NTSR1: variants seen among roughly 807,000 people sequenced by gnomAD.
NTSR1 encodes the protein neurotensin receptor 1, also known as neurotensin receptor type 1.
Under a neutral mutation model 31.2 loss-of-function variants are expected in NTSR1, and 29 were observed. The ratio of observed to expected loss-of-function variants is 0.93; its 90% confidence interval spans 0.69 to 1.27. The LOEUF (loss-of-function observed/expected upper bound fraction) is 1.27. Ranked by LOEUF, NTSR1 falls within the 50% of genes most tolerant of loss-of-function variation. The pLI is 0.00. For synonymous variants in NTSR1, 282 were observed against 269.9 expected, an observed-to-expected ratio of 1.04 and a Z score of -0.44; for missense variants, 697 against 595.4, an observed-to-expected ratio of 1.17 and a Z score of -1.78.
At position 62,733,602 on chromosome 20, in the gene NTSR1, T is replaced by G; in HGVS notation, c.715-21083T>G. On this transcript the variant is annotated intron_variant, in intron 1 of 3. Transcript: ENST00000370501. The surrounding 1 kb of genome is among the most constrained non-coding windows in gnomAD (Gnocchi z 5.2). ...AGCCATGTGGGCTGGCTTCTGGGGATGGGGAGGAGAGATACACACATGGAG... is the reference window on the plus strand; with the variant it reads ...AGCCATGTGGGCTGGCTTCTGGGGAGGGGGAGGAGAGATACACACATGGAG... 1.3e-5 allele frequency among the ~76,000 whole-genome samples: 2 copies of G among 149,880 alleles called. No homozygotes were observed. The highest frequency in any genetic ancestry group is 3.0e-5 in the Non-Finnish European group (2 of 67,614).
chr20:62,731,744 C>A (rs1169603235), intron 1 of NTSR1, among the ~76,000 whole-genome samples: 1 of 152,216 alleles, frequency 6.6e-6, no homozygotes, highest in Non-Finnish European at 1.5e-5. Context: ...TCTCAAAGAT[C>A]ATTTGCCCAT....
In NTSR1 at chr20:62,737,849, C is replaced by T. The variant is rs548856666; in HGVS notation, c.715-16836C>T. On this transcript the variant is annotated intron_variant, in intron 1 of 3. Transcript: ENST00000370501. ...TCCAGGATTGATGACCTGACCCCTG[C>T]CCCCGGTCCTCCCCACCCCCCACAC... Among the ~76,000 whole-genome samples, 864 of 143,930 alleles carry T rather than the reference C, an allele frequency of 6.0e-3. 17 individuals are homozygous for T. The South Asian group carries it at 0.062, about 10-fold the overall frequency. 94.4% of individuals were successfully genotyped at this position (143,930 alleles called of 152,430 possible).
Position 62,715,830 on chromosome 20 carries a change from C to T in NTSR1, c.714+5909C>T, listed in dbSNP as rs530089780. On this transcript the variant is annotated intron_variant, in intron 1 of 3. Transcript: ENST00000370501. The surrounding 1 kb of genome is among the most constrained non-coding windows in gnomAD (Gnocchi z 4.7). ...AGGCCTCAGGCAGCAGCCCAGGGAT[C>T]TCCAGGTCTGTTCTCAGGGGCACTG... Among the ~76,000 whole-genome samples the T allele has an allele frequency of 6.6e-6, 1 of 152,298 alleles. No homozygotes were observed. Among genetic ancestry groups the T allele is most frequent in the African/African-American group, 2.4e-5 (1 of 41,572 alleles).
intron 1 of NTSR1, among the ~76,000 whole-genome samples, chr20:62,749,094 A>G (rs1989349341): frequency 6.6e-6 from 1 of 152,216 alleles, no homozygotes. Flanking sequence ...CACAATGGGG[A>G]AAAAGCAGTC....
chr20:62,748,856 C>A (rs1220256015), intron 1 of NTSR1, among the ~76,000 whole-genome samples: 1 of 152,088 alleles, frequency 6.6e-6, no homozygotes, highest in Non-Finnish European at 1.5e-5. Flanking sequence ...GAAAGAGAGA[C>A]CTGAGCTAGC....
chr20:62,711,025 AC>A lies in NTSR1; in HGVS notation c.714+1108del. Among the ~76,000 whole-genome samples the A allele has an allele frequency of 6.6e-6, 1 of 152,166 alleles. No homozygotes were observed. The highest frequency in any genetic ancestry group is 2.1e-4 in the South Asian group (1 of 4,816). Reference sequence around the variant, plus strand: ...GCTAAGCTTCTGTAGTTGCCTGGGCACCCCGCGTATGCCAGTATGCCCGGTG... The same window carrying A: ...GCTAAGCTTCTGTAGTTGCCTGGGCACCCGCGTATGCCAGTATGCCCGGTG... On this transcript the variant is annotated intron_variant, in intron 1 of 3. Transcript: ENST00000370501. This position sits in a 1 kb window ranked among gnomAD's most constrained non-coding sequence, Gnocchi z 6.4.
chr20:62,709,789 C>T lies in NTSR1; in HGVS notation c.582C>T (p.Leu194=), dbSNP rs1988566955. ...RTKKFISAIW[L]ASALLAVPML... ...AGAAGTTCATCAGCGCCATCTGGCTCGCCTCGGCCCTGCTGGCGGTGCCTA... is the reference window on the plus strand; with the variant it reads ...AGAAGTTCATCAGCGCCATCTGGCTTGCCTCGGCCCTGCTGGCGGTGCCTA... Residue 194 remains leucine (L), a synonymous_variant, in exon 1 of 4, where the codon CTC becomes CTT. Coordinates refer to ENST00000370501, the MANE Select transcript of NTSR1 (RefSeq NM_002531.3). 5 of 1,612,960 alleles carry T rather than the reference C, an allele frequency of 3.1e-6. No homozygotes were observed. Among genetic ancestry groups the T allele is most frequent in the Non-Finnish European group, 4.2e-6 (5 of 1,179,920 alleles).
intron 1 of NTSR1, among the ~76,000 whole-genome samples, chr20:62,740,057 G>A (rs1359701598): frequency 3.3e-5 from 5 of 152,230 alleles, no homozygotes; most frequent in African/African-American, 9.6e-5. Flanking sequence ...CAAACTCCCC[G>A]GAAACCCAGG....
At chr20:62,731,528 T>C (rs1417218320) in intron 1 of NTSR1, among the ~76,000 whole-genome samples, 2 of 152,182 alleles carry the variant, frequency 1.3e-5, no homozygotes, top group Admixed American at 1.3e-4. Context: ...ACCTAGAAAT[T>C]TTATTATCTT....
intron 1 of NTSR1, among the ~76,000 whole-genome samples, chr20:62,739,127 C>T (rs1486327939): frequency 6.6e-6 from 1 of 152,180 alleles, no homozygotes; most frequent in Non-Finnish European, 1.5e-5. Context: ...CGTGTGGCGC[C>T]GTTGGGGACC....
intron 1 of NTSR1, among the ~76,000 whole-genome samples, chr20:62,728,702 G>A (rs60549633): frequency 6.6e-6 from 1 of 152,060 alleles, no homozygotes; most frequent in African/African-American, 2.4e-5. Context: ...AAACTGAGTC[G>A]CGAAGGGCAG....
Position 62,760,464 on chromosome 20 carries a change from T to G in NTSR1, c.*197T>G. On this transcript the variant is annotated 3_prime_UTR_variant, in exon 4 of 4. Transcript: ENST00000370501. ...AGTGTCTCCCGGGCCTGTCCCCAAC[T>G]CCTCCCCACCCCTCCCCCATCTCCT... 2.1e-6 allele frequency: 1 copy of G among 466,034 alleles called. No homozygotes were observed. Among genetic ancestry groups the G allele is most frequent in the Non-Finnish European group, 3.6e-6 (1 of 279,016 alleles). 28.9% of individuals were successfully genotyped at this position (466,034 alleles called of 1,614,324 possible).
intron 2 of NTSR1, among the ~76,000 whole-genome samples, chr20:62,757,042 T>C: frequency 6.6e-6 from 1 of 152,224 alleles, no homozygotes; most frequent in East Asian, 1.9e-4. Flanking sequence ...ACTTCCACTC[T>C]CCTGATGGCA....
chr20:62,709,408 C>G lies in NTSR1; in HGVS notation c.201C>G (p.Thr67=), dbSNP rs751577897. The G allele has an allele frequency of 1.1e-5, 17 of 1,609,550 alleles. No homozygotes were observed. Among genetic ancestry groups the G allele is most frequent in the Non-Finnish European group, 1.4e-5 (17 of 1,177,438 alleles). Residue 67 remains threonine, a synonymous_variant, in exon 1 of 4, where the codon ACC becomes ACG. Coordinates refer to ENST00000370501, the MANE Select transcript of NTSR1 (RefSeq NM_002531.3). ...NTDIYSKVLV[T]AVYLALFVVG... ...ACATCTACTCCAAGGTGCTGGTGAC[C>G]GCCGTGTACCTGGCGCTCTTCGTGG... is the stretch of plus-strand genomic sequence containing the variant.
chr20:62,753,931 G>A (rs1431794055), intron 1 of NTSR1, among the ~76,000 whole-genome samples: 3 of 152,244 alleles, frequency 2.0e-5, no homozygotes, highest in Non-Finnish European at 2.9e-5. Flanking sequence ...TCACGTCTCA[G>A]CCAGGAGTCG....
chr20:62,711,269 C>A lies in NTSR1; in HGVS notation c.714+1348C>A, dbSNP rs1393120263. Among the ~76,000 whole-genome samples the A allele has an allele frequency of 1.3e-5, 2 of 152,204 alleles. No individual in the cohort carries two copies. The highest frequency in any genetic ancestry group is 2.9e-5 in the Non-Finnish European group (2 of 68,016). On this transcript the variant is annotated intron_variant, in intron 1 of 3. Transcript: ENST00000370501. This position sits in a 1 kb window ranked among gnomAD's most constrained non-coding sequence, Gnocchi z 6.4. ...ACTGGTGGCAGGCAGTGAGTCAGGG[C>A]TGCTTTGCTTCTGCGGCGAGAGTCC...
At chr20:62,717,804 CA>C (rs11086167) in intron 1 of NTSR1, among the ~76,000 whole-genome samples, 110,205 of 152,018 alleles carry the variant, frequency 0.72, 41,214 homozygotes, top group East Asian at 0.95. Flanking sequence ...TATAGCAGCC[CA>C]AAAAAACTGG....
In NTSR1 at chr20:62,742,277, G is replaced by A. The variant is rs553009454; in HGVS notation, c.715-12408G>A. Among the ~76,000 whole-genome samples, 10 of 149,332 alleles carry A rather than the reference G, an allele frequency of 6.7e-5. 1 individual carries two copies. The highest frequency in any genetic ancestry group is 2.3e-4 in the African/African-American group (9 of 39,960). On this transcript the variant is annotated intron_variant, in intron 1 of 3. Transcript: ENST00000370501. This position sits in a 1 kb window ranked among gnomAD's most constrained non-coding sequence, Gnocchi z 7.1. ...GTCCTGCCCTCAGGGACTCAGAAAT[G>A]CTGGCGTTCCAGGAGGTGGTGTGTG...
intron 1 of NTSR1, among the ~76,000 whole-genome samples, chr20:62,751,358 G>T (rs959360200): frequency 6.6e-6 from 1 of 152,116 alleles, no homozygotes; most frequent in Non-Finnish European, 1.5e-5. Flanking sequence ...ATGAGTTAGG[G>T]TACTAACTCC....
Sources: gnomAD v4.1 joint callset for allele counts (sites outside exome capture counted in the v4.1 genomes callset) on GRCh38, gnomAD v4.1.1 for gene constraint, Gnocchi (gnomAD v3.1) non-coding constraint, MANE v1.5 for transcripts, NCBI Gene and HGNC (gene_info 2026-07-23, HGNC 2026-07-21) for gene names.